The following GPATCH2L variants were observed in gnomAD, a reference collection of about 807,000 sequenced individuals.
GPATCH2L encodes the protein G patch domain-containing protein 2-like.
Under a neutral mutation model 57.4 loss-of-function variants are expected in GPATCH2L, and 31 were observed. That is an observed-to-expected ratio of 0.54 (90% CI 0.41 to 0.73). The LOEUF (loss-of-function observed/expected upper bound fraction) is 0.73, where lower values mean the gene tolerates loss of function less well. Ranked by LOEUF, GPATCH2L falls within the 30% of genes least tolerant of loss-of-function variation. The pLI, the probability that GPATCH2L is intolerant of heterozygous loss-of-function variation, is 0.00. For synonymous variants in GPATCH2L, 199 were observed against 210.7 expected, an observed-to-expected ratio of 0.94 and a Z score of 0.48; for missense variants, 481 against 599.9, an observed-to-expected ratio of 0.80 and a Z score of 2.07.
At position 76,208,125 on chromosome 14, in the gene GPATCH2L, G is replaced by C. The variant is rs2040399559; in HGVS notation, c.*6274G>C. ...TAGTGTTACTAGATATTATCAAGGT[G>C]TGAGACTAAAAAGTTAGAAGGCTTT... On this transcript the variant is annotated 3_prime_UTR_variant, in exon 10 of 10. Transcript: ENST00000261530. The C allele has an allele frequency of 6.6e-6, 1 of 152,162 alleles. No homozygotes were observed. Among genetic ancestry groups the C allele is most frequent in the African/African-American group, 2.4e-5 (1 of 41,428 alleles). The allele number at this position is 152,162 out of a possible 1,614,324, so 9.4% of individuals were successfully genotyped here. A position where few individuals can be genotyped will look rare whatever the true frequency, so the allele number is the denominator to read the frequency against.
chr14:76,195,783 C>T, intron 8 of GPATCH2L, 95 bp from the exon 9 acceptor site: 1 of 902,338 alleles, frequency 1.1e-6, no homozygotes, highest in Non-Finnish European at 1.8e-6. Flanking sequence ...TTGTTTATGT[C>T]TGTAATAGGT....
At position 76,193,304 on chromosome 14, in the gene GPATCH2L, A is replaced by T. The variant is rs370131858; in HGVS notation, c.1194-2574A>T. Reference sequence around the variant, plus strand: ...CTAGATCCATAAAAGAGTTGATAATATGGGCCTTTTCCCATGTTACTGACA... The same window carrying T: ...CTAGATCCATAAAAGAGTTGATAATTTGGGCCTTTTCCCATGTTACTGACA... On this transcript the variant is annotated intron_variant, in intron 8 of 9. Coordinates refer to ENST00000261530, the MANE Select transcript of GPATCH2L (RefSeq NM_017926.4). 1.9e-3 allele frequency among the ~76,000 whole-genome samples: 284 copies of T among 152,204 alleles called. 1 individual carries two copies. Among genetic ancestry groups the T allele is most frequent in the African/African-American group, 6.6e-3 (276 of 41,546 alleles).
chr14:76,176,790 C>G (rs1403314625), intron 6 of GPATCH2L, 100 bp downstream of exon 6: 2 of 770,000 alleles, frequency 2.6e-6, no homozygotes, highest in Admixed American at 3.8e-5. Flanking sequence ...CTTCAGAGTT[C>G]AAAGAGATCT....
rs143759866 is a variant in GPATCH2L, at chr14:76,176,454, A to G, written c.985-169A>G. On this transcript the variant is annotated intron_variant, in intron 5 of 9. Transcript: ENST00000261530. ...TAGGGTAACATGTAATACTTTTAAGATGGATTCCAATAAAAAGAAGTATAG... is the reference window on the plus strand; with the variant it reads ...TAGGGTAACATGTAATACTTTTAAGGTGGATTCCAATAAAAAGAAGTATAG... 1,084 of 609,330 alleles carry G rather than the reference A, an allele frequency of 1.8e-3. 13 individuals are homozygous for G. In the East Asian group the frequency reaches 0.023, roughly 13 times the overall value. 37.7% of individuals were successfully genotyped at this position (609,330 alleles called of 1,614,324 possible).
chr14:76,154,924 A>C lies in GPATCH2L; in HGVS notation c.561A>C (p.Ser187=), dbSNP rs1359328625. The C allele has an allele frequency of 6.2e-7, 1 of 1,614,216 alleles. No homozygotes were observed. Among genetic ancestry groups the C allele is most frequent in the Non-Finnish European group, 8.5e-7 (1 of 1,180,008 alleles). Residue 187 remains serine, a synonymous_variant, in exon 2 of 10, where the codon TCA becomes TCC. Coordinates refer to ENST00000261530, the MANE Select transcript of GPATCH2L (RefSeq NM_017926.4). The surrounding 1 kb of genome is among the most constrained non-coding windows in gnomAD (Gnocchi z 4.4). ...CATCAGGCCACGGATTGTGTGAATC[A>C]GCAGAAAATAGGACTTTCCTAAGCA... The part of the protein sequence containing the change: ...WTSSGHGLCE[S]AENRTFLSKT...
chr14:76,174,187 A>G lies in GPATCH2L; in HGVS notation c.984+562A>G, dbSNP rs1470120415. ...CTTCCAGCAACCTACAAGGGCAAGC[A>G]CCTTCAGCAGATGAGGAAAACTTAG... On this transcript the variant is annotated intron_variant, in intron 5 of 9. Transcript: ENST00000261530. 2.0e-5 allele frequency: 3 copies of G among 152,882 alleles called. No individual in the cohort carries two copies. The East Asian group carries it at 5.8e-4, about 29-fold the overall frequency. 9.5% of individuals were successfully genotyped at this position (152,882 alleles called of 1,614,324 possible). A position where few individuals can be genotyped will look rare whatever the true frequency, so the allele number is the denominator to read the frequency against.
At chr14:76,184,457 T>G (rs1398014101) in intron 8 of GPATCH2L, among the ~76,000 whole-genome samples, 4 of 146,768 alleles carry the variant, frequency 2.7e-5, no homozygotes, top group Non-Finnish European at 6.0e-5. Context: ...GTTTCCTCCC[T>G]GCTAGAACCA....
chr14:76,169,480 C>G (rs2038990220), intron 3 of GPATCH2L, among the ~76,000 whole-genome samples: 1 of 152,258 alleles, frequency 6.6e-6, no homozygotes, highest in East Asian at 1.9e-4. Context: ...AAGCAAAATT[C>G]TAGAGGAGCC....
Position 76,167,421 on chromosome 14 carries a change from A to G in GPATCH2L, c.727+694A>G, listed in dbSNP as rs374998264. 7.9e-5 allele frequency among the ~76,000 whole-genome samples: 12 copies of G among 152,240 alleles called. No individual in the cohort carries two copies. In the East Asian group the frequency reaches 2.3e-3, roughly 29 times the overall value. On this transcript the variant is annotated intron_variant, in intron 3 of 9. Coordinates refer to ENST00000261530, the MANE Select transcript of GPATCH2L (RefSeq NM_017926.4). ...CTTAATCTAAATAAGGGATTTAGGG[A>G]TTTCTAAAGTCTCTTCTCACTCCGA...
intron 3 of GPATCH2L, among the ~76,000 whole-genome samples, chr14:76,171,431 G>A (rs1805600144): frequency 6.6e-6 from 1 of 152,104 alleles, no homozygotes; most frequent in Admixed American, 6.6e-5. Flanking sequence ...ACAAAAATTA[G>A]CCAGGCATGG....
Position 76,173,260 on chromosome 14 carries a change from T to A in GPATCH2L, c.905-286T>A, listed in dbSNP as rs576874643. On this transcript the variant is annotated intron_variant, in intron 4 of 9. Coordinates refer to ENST00000261530, the MANE Select transcript of GPATCH2L (RefSeq NM_017926.4). ...TTTCAGTTTATAAAGTCCCTTCTGC[T>A]TGCTATTTCATTGGGTCTTCAAAAC... is the stretch of plus-strand genomic sequence containing the variant. Among the ~76,000 whole-genome samples the A allele has an allele frequency of 2.0e-5, 3 of 152,256 alleles. No homozygotes were observed. In the South Asian group the frequency reaches 6.2e-4, roughly 32 times the overall value.
At chr14:76,187,213 C>CTTT in intron 8 of GPATCH2L, among the ~76,000 whole-genome samples, 1 of 151,796 alleles carries the variant, frequency 6.6e-6, no homozygotes, top group South Asian at 2.1e-4. Flanking sequence ...AGATTTAATC[C>CTTT]TCCTTTTTCT....
At position 76,176,697 on chromosome 14, in the gene GPATCH2L, G is replaced by A; in HGVS notation, c.1052+7G>A. The stretch of plus-strand genomic sequence containing the variant: ...GTGACCCTCGGCAGAAAGAGTAAGT[G>A]CTTATGTATTTACTGGCTGTGCTAG... On this transcript the variant is annotated splice_region_variant and intron_variant, in intron 6 of 9. Coordinates refer to ENST00000261530, the MANE Select transcript of GPATCH2L (RefSeq NM_017926.4). The A allele has an allele frequency of 6.3e-7, 1 of 1,577,540 alleles. No homozygotes were observed. The highest frequency in any genetic ancestry group is 8.7e-7 in the Non-Finnish European group (1 of 1,146,532).
intron 2 of GPATCH2L, among the ~76,000 whole-genome samples, chr14:76,159,860 T>G (rs190036691): frequency 1.4e-3 from 216 of 152,244 alleles, no homozygotes; most frequent in South Asian, 0.011. Context: ...AGGCCGGGCG[T>G]GGTGGCTCAC....
At chr14:76,222,028 G>A (rs2040517122) in intron 1 of GPATCH2L, among the ~76,000 whole-genome samples, 3 of 152,182 alleles carry the variant, frequency 2.0e-5, no homozygotes, top group African/African-American at 4.8e-5. Flanking sequence ...TGTAACAAAT[G>A]TATCACTCTG....
In GPATCH2L at chr14:76,213,380, GAAGT is replaced by G. The variant is rs747443458; in HGVS notation, c.*11535_*11538del. ...ATATAACAATTGTCATAGAAGAAAT[GAAGT>G]AAGTATTTCAATTAGCATGACAGAC... On this transcript the variant is annotated 3_prime_UTR_variant, in exon 10 of 10. Transcript: ENST00000261530. 6 of 152,222 alleles carry G rather than the reference GAAGT, an allele frequency of 3.9e-5. No homozygotes were observed. The highest frequency in any genetic ancestry group is 6.5e-5 in the Admixed American group (1 of 15,278). 9.4% of individuals were successfully genotyped at this position (152,222 alleles called of 1,614,324 possible).
chr14:76,215,443 G>A (rs1226739976), downstream of GPATCH2L, among the ~76,000 whole-genome samples: 1 of 151,756 alleles, frequency 6.6e-6, no homozygotes, highest in Non-Finnish European at 1.5e-5. Context: ...TATAAATCAT[G>A]CTGCTATAAA....
intron 5 of GPATCH2L, chr14:76,175,583 C>T (rs934599321): frequency 6.6e-6 from 1 of 152,004 alleles, no homozygotes; most frequent in East Asian, 1.9e-4. Flanking sequence ...CCATCTTTTC[C>T]CTTGGCCCCC....
Position 76,213,961 on chromosome 14 carries a change from G to T in GPATCH2L, c.*12110G>T, listed in dbSNP as rs1412439390. ...GGTTTTCTGTTCCACTGGTCTACTTGTGCATGGTACCACACTGTTTTAATT... is the reference window on the plus strand; with the variant it reads ...GGTTTTCTGTTCCACTGGTCTACTTTTGCATGGTACCACACTGTTTTAATT... On this transcript the variant is annotated 3_prime_UTR_variant, in exon 10 of 10. Transcript: ENST00000261530. 1.3e-5 allele frequency: 2 copies of T among 152,196 alleles called. No individual in the cohort carries two copies. Among genetic ancestry groups the T allele is most frequent in the African/African-American group, 4.8e-5 (2 of 41,530 alleles). The allele number at this position is 152,196 out of a possible 1,614,324, so 9.4% of individuals were successfully genotyped here.
Sources: gnomAD v4.1 joint callset for allele counts (sites outside exome capture counted in the v4.1 genomes callset) on GRCh38, gnomAD v4.1.1 for gene constraint, Gnocchi (gnomAD v3.1) non-coding constraint, MANE v1.5 for transcripts, NCBI Gene and HGNC (gene_info 2026-07-23, HGNC 2026-07-21) for gene names.